The following MEP1B variants were observed in gnomAD, a reference collection of about 807,000 sequenced individuals.
MEP1B encodes N-benzoyl-L-tyrosyl-P-amino-benzoic acid hydrolase subunit beta.
MEP1B carries 80 observed loss-of-function variants against 84.6 expected under a neutral mutation model. The ratio of observed to expected loss-of-function variants is 0.95; its 90% CI spans 0.79 to 1.14. The LOEUF (loss-of-function observed/expected upper bound fraction) is 1.14, where lower values mean the gene tolerates loss of function less well. Among genes scored for constraint, MEP1B ranks in the 50% most tolerant of loss-of-function variants. The pLI, the probability that MEP1B is intolerant of heterozygous loss-of-function variation, is 0.00. For missense variants in MEP1B, 766 were observed against 855.1 expected, an observed-to-expected ratio of 0.90 and a Z score of 1.30; for synonymous variants, 273 against 288.1, an observed-to-expected ratio of 0.95 and a Z score of 0.53.
Position 32,196,888 on chromosome 18 carries a change from G to GAC in MEP1B, c.250+1403_250+1404insAC. 2 of 462,246 alleles carry GAC rather than the reference G, an allele frequency of 4.3e-6. No homozygotes were observed. Among genetic ancestry groups the GAC allele is most frequent in the South Asian group, 2.1e-5 (1 of 46,996 alleles). 28.6% of individuals were successfully genotyped at this position (462,246 alleles called of 1,614,324 possible). Reference sequence around the variant, plus strand: ...ATGTAGTGGAGGCGGGCAAGGAGGCGCAGGCAGGCTCAGATCTCCACGTGC... The same window carrying GAC: ...ATGTAGTGGAGGCGGGCAAGGAGGCGACCAGGCAGGCTCAGATCTCCACGTGC... On this transcript the variant is annotated intron_variant, in intron 5 of 14. Transcript: ENST00000269202. The surrounding 1 kb of genome is among the most constrained non-coding windows in gnomAD (Gnocchi z 4.4).
At chr18:32,193,129 C>T (rs952940630) in intron 4 of MEP1B, among the ~76,000 whole-genome samples, 5 of 152,266 alleles carry the variant, frequency 3.3e-5, no homozygotes, top group African/African-American at 1.2e-4. Context: ...AATAGGACCT[C>T]ACAGATTCAA....
chr18:32,217,235 C>A, intron 13 of MEP1B, 118 bp downstream of exon 13: 3 of 1,196,480 alleles, frequency 2.5e-6, no homozygotes, highest in South Asian at 1.9e-5. Flanking sequence ...CATCTCACAG[C>A]CATTCATAGA....
chr18:32,200,881 T>C (rs1297482047), intron 5 of MEP1B, among the ~76,000 whole-genome samples: 2 of 152,184 alleles, frequency 1.3e-5, no homozygotes, highest in Non-Finnish European at 2.9e-5. Flanking sequence ...CTGAAGGGGC[T>C]ACTAAGGGGA....
At position 32,196,472 on chromosome 18, in the gene MEP1B, G is replaced by A. The variant is rs545874444; in HGVS notation, c.250+987G>A. The A allele has an allele frequency of 3.6e-5, 25 of 694,128 alleles. No homozygotes were observed. Among genetic ancestry groups the A allele is most frequent in the Non-Finnish European group, 5.0e-5 (19 of 376,352 alleles). The allele number at this position is 694,128 out of a possible 1,614,324, so 43.0% of individuals were successfully genotyped here. A position where few individuals can be genotyped will look rare whatever the true frequency, so the allele number is the denominator to read the frequency against. On this transcript the variant is annotated intron_variant, in intron 5 of 14. Transcript: ENST00000269202. The surrounding 1 kb of genome is among the most constrained non-coding windows in gnomAD (Gnocchi z 4.4). ...CCCTTCCTTCTGGTGCTGCAGGGCC[G>A]ACCGGAAACTCAGCTTTGCTCTCAT...
intron 5 of MEP1B, among the ~76,000 whole-genome samples, chr18:32,199,848 G>A (rs1428590902): frequency 1.3e-5 from 2 of 152,042 alleles, no homozygotes; most frequent in African/African-American, 2.4e-5. Context: ...CTAATTTTTT[G>A]TATTTTTGGT....
At position 32,196,412 on chromosome 18, in the gene MEP1B, C is replaced by T. The variant is rs969470702; in HGVS notation, c.250+927C>T. 2 of 696,126 alleles carry T rather than the reference C, an allele frequency of 2.9e-6. No homozygotes were observed. The highest frequency in any genetic ancestry group is 1.5e-5 in the South Asian group (1 of 67,364). 43.1% of individuals were successfully genotyped at this position (696,126 alleles called of 1,614,324 possible). On this transcript the variant is annotated intron_variant, in intron 5 of 14. Coordinates refer to ENST00000269202, the MANE Select transcript of MEP1B (RefSeq NM_005925.3). The surrounding 1 kb of genome is among the most constrained non-coding windows in gnomAD (Gnocchi z 4.4). ...CTCTCCTTGGTCTTCTCCTGGTCCT[C>T]GCCCAGCTGGGTCTTACAGAGGGTG...
chr18:32,193,873 C>T (rs1196294786), intron 4 of MEP1B, among the ~76,000 whole-genome samples: 1 of 152,174 alleles, frequency 6.6e-6, no homozygotes, highest in Non-Finnish European at 1.5e-5. Flanking sequence ...ATGTCATCTC[C>T]ATGCCAATGA....
At chr18:32,197,501 C>T (rs2144386204) in intron 5 of MEP1B, among the ~76,000 whole-genome samples, 1 of 151,088 alleles carries the variant, frequency 6.6e-6, no homozygotes, top group East Asian at 2.0e-4. Context: ...CTCACTGCAG[C>T]TTCTACCTCC....
In MEP1B at chr18:32,210,619, T is replaced by C. The variant is rs1212873456; in HGVS notation, c.1038T>C (p.Tyr346=). The change falls in exon 10 of 15, where the codon TAT becomes TAC. Residue 346 remains tyrosine (Y), a synonymous_variant. Coordinates refer to ENST00000269202, the MANE Select transcript of MEP1B (RefSeq NM_005925.3). ...RGFQCLQFYL[Y]NSGSESDQLN... is the part of the protein sequence containing the mutation. ...TTCAGTGCCTGCAATTTTACTTATA[T>C]AACAGTGGCAGTGAAAGTGATCAAC... 5 of 1,613,860 alleles carry C rather than the reference T, an allele frequency of 3.1e-6. No homozygotes were observed. Among genetic ancestry groups the C allele is most frequent in the Non-Finnish European group, 4.2e-6 (5 of 1,179,860 alleles).
chr18:32,204,474 G>A, intron 7 of MEP1B, 114 bp downstream of exon 7: 1 of 905,338 alleles, frequency 1.1e-6, no homozygotes, highest in Non-Finnish European at 1.7e-6. Context: ...ATGTTTTGAT[G>A]TCTTAATTCA....
Position 32,220,382 on chromosome 18 carries a change from T to C in MEP1B, c.*137T>C. 1 of 843,132 alleles carries C rather than the reference T, an allele frequency of 1.2e-6. No homozygotes were observed. The highest frequency in any genetic ancestry group is 1.8e-6 in the Non-Finnish European group (1 of 540,928). The allele number at this position is 843,132 out of a possible 1,614,324, so 52.2% of individuals were successfully genotyped here. ...TGTAAATAGCTGGAAATATTATAAA[T>C]CACTATTTTGGTCAAAGTCAAATTG... On this transcript the variant is annotated 3_prime_UTR_variant, in exon 15 of 15. Coordinates refer to ENST00000269202, the MANE Select transcript of MEP1B (RefSeq NM_005925.3).
At chr18:32,202,204 C>T (rs2040919135) in intron 5 of MEP1B, among the ~76,000 whole-genome samples, 1 of 152,232 alleles carries the variant, frequency 6.6e-6, no homozygotes, top group Admixed American at 6.5e-5. Context: ...GTCACTAGGA[C>T]CTGGCCCATG....
Position 32,207,311 on chromosome 18 carries a change from T to A in MEP1B, c.607T>A (p.Tyr203Asn). The A allele has an allele frequency of 6.2e-7, 1 of 1,613,280 alleles. No individual in the cohort carries two copies. The change falls in exon 8 of 15, where the codon TAT becomes AAT. Residue 203 changes from tyrosine to asparagine, a missense_variant. By Grantham distance (143) the Tyr-to-Asn change is moderately radical (BLOSUM62 -2). Coordinates refer to ENST00000269202, the MANE Select transcript of MEP1B (RefSeq NM_005925.3). ...DDISDSLNVPYDYTSVMHYSK... is the reference protein window; with the variant it reads ...DDISDSLNVPNDYTSVMHYSK... ...TATATCAGATTCCCTGAATGTTCCCTATGATTACACTTCAGTAATGCACTA... is the reference window on the plus strand; with the variant it reads ...TATATCAGATTCCCTGAATGTTCCCAATGATTACACTTCAGTAATGCACTA...
intron 5 of MEP1B, among the ~76,000 whole-genome samples, chr18:32,202,562 A>C (rs564533965): frequency 4.6e-5 from 7 of 152,206 alleles, no homozygotes; most frequent in Non-Finnish European, 1.0e-4. Context: ...TCTCAGATGA[A>C]GTACGTGATG....
intron 12 of MEP1B, among the ~76,000 whole-genome samples, chr18:32,215,968 GCATATATATATATATATATA>G (rs1463292650): frequency 1.5e-5 from 1 of 68,410 alleles, no homozygotes; most frequent in African/African-American, 4.6e-5. Context: ...ATACATATAT[GCATATATATATATATATATA>G]TATATATATA....
At chr18:32,215,921 C>T (rs1433902807) in intron 12 of MEP1B, among the ~76,000 whole-genome samples, 2 of 149,398 alleles carry the variant, frequency 1.3e-5, no homozygotes, top group South Asian at 2.1e-4. Flanking sequence ...TGACTGGAAA[C>T]GTCTGCATCT....
At chr18:32,202,830 A>G in intron 5 of MEP1B, 63 bp from the exon 6 acceptor site, 1 of 1,014,766 alleles carries the variant, frequency 9.9e-7, no homozygotes, top group East Asian at 2.6e-5. Context: ...GCCTGCTTCC[A>G]TGGAAGATTT....
At chr18:32,212,285 T>C (rs1345481185) in intron 10 of MEP1B, among the ~76,000 whole-genome samples, 9 of 152,090 alleles carry the variant, frequency 5.9e-5, no homozygotes, top group Non-Finnish European at 7.4e-5. Context: ...CATTTGGGTA[T>C]GTCTAGCTTA....
intron 3 of MEP1B, 33 bp downstream of exon 3, chr18:32,192,723 TAG>T: frequency 1.2e-6 from 2 of 1,611,026 alleles, no homozygotes; most frequent in Non-Finnish European, 1.7e-6. Flanking sequence ...ATCTCTTAAG[TAG>T]AGAGTTTGAA....
Sources: allele counts gnomAD v4.1 joint callset (sites outside exome capture counted in the v4.1 genomes callset), GRCh38; gene constraint gnomAD v4.1.1; non-coding constraint Gnocchi (gnomAD v3.1); transcripts MANE v1.5; gene names NCBI Gene and HGNC (gene_info 2026-07-23, HGNC 2026-07-21).